Variants in TLK2 observed in about 807,000 individuals in gnomAD.
TLK2 encodes serine/threonine-protein kinase tousled-like 2.
Under a neutral mutation model 117.3 loss-of-function variants are expected in TLK2, and 6 were observed. The ratio of observed to expected loss-of-function variants is 0.05; its 90% CI spans 0.03 to 0.10. The LOEUF is 0.10. Among genes scored for constraint, TLK2 ranks in the 10% least tolerant of loss-of-function variants. The pLI, the probability that TLK2 is intolerant of heterozygous loss-of-function variation, is 1.00. For missense variants in TLK2, 299 were observed against 901.2 expected (o/e 0.33, Z 8.56); for synonymous variants, 257 against 316.7 (o/e 0.81, Z 2.00).
chr17:62,540,400 A>ATTTTTTTTT (rs534202077), intron 7 of TLK2, among the ~76,000 whole-genome samples: 220 of 19,944 alleles, frequency 0.011, 29 homozygotes, highest in East Asian at 0.015. Flanking sequence ...TATGTTCAGA[A>ATTTTTTTTT]TTTTTTTTTT....
chr17:62,475,152 A>ACTACTCTG (rs576341785), upstream of TLK2, among the ~76,000 whole-genome samples: 4 of 152,222 alleles, frequency 2.6e-5, no homozygotes, highest in Non-Finnish European at 4.4e-5. Flanking sequence ...TAACTACTCT[A>ACTACTCTG]TATCAAGCAC....
chr17:62,505,120 G>GT (rs1567809351), intron 2 of TLK2, among the ~76,000 whole-genome samples: 3 of 152,056 alleles, frequency 2.0e-5, no homozygotes, highest in Non-Finnish European at 4.4e-5. Context: ...AATTACAGGT[G>GT]TGAGCCACTC....
At chr17:62,591,808 C>T (rs2082101874) in intron 16 of TLK2, among the ~76,000 whole-genome samples, 1 of 152,110 alleles carries the variant, frequency 6.6e-6, no homozygotes, top group African/African-American at 2.4e-5. Flanking sequence ...TTTCTGAAAA[C>T]ATCACTGTTT....
At chr17:62,584,038 A>G (rs1029251124) in intron 15 of TLK2, among the ~76,000 whole-genome samples, 4 of 151,980 alleles carry the variant, frequency 2.6e-5, no homozygotes, top group African/African-American at 9.7e-5. Flanking sequence ...GTAGTTAGAG[A>G]AAATTATGCT....
Position 62,614,390 on chromosome 17 carries a change from A to C in TLK2, c.*1825A>C, listed in dbSNP as rs566870802. 1.3e-5 allele frequency: 2 copies of C among 152,186 alleles called. No individual in the cohort carries two copies. Among genetic ancestry groups the C allele is most frequent in the Non-Finnish European group, 2.9e-5 (2 of 68,050 alleles). The allele number at this position is 152,186 out of a possible 1,614,324, so 9.4% of individuals were successfully genotyped here. ...GCGAGGGCTTAGCCAGAAATATTTA[A>C]AGATGTAGTATTCCGGCCTGTGAGT... On this transcript the variant is annotated 3_prime_UTR_variant, in exon 22 of 22. Coordinates refer to ENST00000346027, the MANE Select transcript of TLK2 (RefSeq NM_006852.6).
chr17:62,517,458 G>T lies in TLK2; in HGVS notation c.82-3315G>T, dbSNP rs1053621732. Among the ~76,000 whole-genome samples the T allele has an allele frequency of 4.6e-4, 70 of 151,092 alleles. 1 individual carries two copies. The highest frequency in any genetic ancestry group is 5.5e-4 in the Non-Finnish European group (37 of 67,778). On this transcript the variant is annotated intron_variant, in intron 2 of 21. Coordinates refer to ENST00000346027, the MANE Select transcript of TLK2 (RefSeq NM_006852.6). ...TGCCCAGGCTGGAGTGCAGTGGCGC[G>T]ATCTCAGCTCACTGCAAGCTCCACC...
At chr17:62,538,828 A>AGT (rs2077300576) in intron 7 of TLK2, among the ~76,000 whole-genome samples, 1 of 152,262 alleles carries the variant, frequency 6.6e-6, no homozygotes, top group Non-Finnish European at 1.5e-5. Context: ...ATATAAGCTT[A>AGT]GTAGTATAAG....
chr17:62,492,438 A>G (rs1279420296), intron 2 of TLK2, among the ~76,000 whole-genome samples: 1 of 151,942 alleles, frequency 6.6e-6, no homozygotes, highest in African/African-American at 2.4e-5. Context: ...TGAGGGAGAT[A>G]GAGATTTGTT....
intron 2 of TLK2, among the ~76,000 whole-genome samples, chr17:62,518,330 G>A (rs1460697943): frequency 6.6e-6 from 1 of 152,194 alleles, no homozygotes; most frequent in African/African-American, 2.4e-5. Context: ...AAACAAATAA[G>A]AGGTATAAAT....
At chr17:62,480,789 C>T (rs552186328) in intron 1 of TLK2, among the ~76,000 whole-genome samples, 3 of 152,116 alleles carry the variant, frequency 2.0e-5, no homozygotes, top group Non-Finnish European at 4.4e-5. Context: ...TTTTTGCAGG[C>T]TAGTTCTTGT....
rs553941946 is a variant in TLK2, at chr17:62,598,763, T to C, written c.1551-1888T>C. Among the ~76,000 whole-genome samples, 301 of 152,176 alleles carry C rather than the reference T, an allele frequency of 2.0e-3. 2 individuals carry two copies. The highest frequency in any genetic ancestry group is 0.015 in the South Asian group (73 of 4,826). ...TGGTCTTGAACTCTTGACCTTGTGATCCGCCCGCCTGGGCCTCCCAAAGTC... is the reference window on the plus strand; with the variant it reads ...TGGTCTTGAACTCTTGACCTTGTGACCCGCCCGCCTGGGCCTCCCAAAGTC... On this transcript the variant is annotated intron_variant, in intron 17 of 21. Coordinates refer to ENST00000346027, the MANE Select transcript of TLK2 (RefSeq NM_006852.6).
intron 7 of TLK2, among the ~76,000 whole-genome samples, chr17:62,542,571 G>A (rs1249100717): frequency 6.6e-6 from 1 of 152,126 alleles, no homozygotes; most frequent in Admixed American, 6.5e-5. Flanking sequence ...AGTCTTTTCT[G>A]CTTTGTAAAT....
At chr17:62,502,015 A>C (rs1203714708) in intron 2 of TLK2, among the ~76,000 whole-genome samples, 2 of 145,852 alleles carry the variant, frequency 1.4e-5, no homozygotes, top group Non-Finnish European at 3.0e-5. Context: ...CAAACATTTA[A>C]GGAAAAAATA....
At chr17:62,485,228 C>T (rs1396789375) in intron 2 of TLK2, among the ~76,000 whole-genome samples, 1 of 151,770 alleles carries the variant, frequency 6.6e-6, no homozygotes, top group Non-Finnish European at 1.5e-5. Context: ...TAACATTTTT[C>T]AGTACTTTTT....
At chr17:62,521,428 A>G (rs530474592) in intron 3 of TLK2, among the ~76,000 whole-genome samples, 1 of 152,206 alleles carries the variant, frequency 6.6e-6, no homozygotes, top group Non-Finnish European at 1.5e-5. Context: ...TTTTCGAGAC[A>G]TGGCCTCGCT....
intron 6 of TLK2, among the ~76,000 whole-genome samples, chr17:62,530,128 G>A (rs1161401979): frequency 6.6e-6 from 1 of 152,010 alleles, no homozygotes; most frequent in African/African-American, 2.4e-5. Context: ...CAAAAACTTA[G>A]CTGGGCTTGG....
chr17:62,538,583 C>G (rs1156490703), intron 7 of TLK2, among the ~76,000 whole-genome samples: 1 of 152,152 alleles, frequency 6.6e-6, no homozygotes, highest in Non-Finnish European at 1.5e-5. Context: ...GGTATGTAGG[C>G]TTGTGGTGGA....
At chr17:62,596,860 C>T (rs2082515917) in intron 17 of TLK2, among the ~76,000 whole-genome samples, 186 bp downstream of exon 17, 1 of 152,198 alleles carries the variant, frequency 6.6e-6, no homozygotes, top group Admixed American at 6.5e-5. Flanking sequence ...AGGACATGTG[C>T]ACTTGTGTGC....
upstream of TLK2, among the ~76,000 whole-genome samples, chr17:62,477,323 A>G (rs868007675): frequency 1.8e-4 from 28 of 152,052 alleles, no homozygotes; most frequent in African/African-American, 6.8e-4. Context: ...GTCTTCTTCC[A>G]ACACTGTTCT....
Sources: allele counts gnomAD v4.1 joint callset (sites outside exome capture counted in the v4.1 genomes callset), GRCh38; gene constraint gnomAD v4.1.1; transcripts MANE v1.5; gene names NCBI Gene and HGNC (gene_info 2026-07-23, HGNC 2026-07-21).